CCT7: variants seen among roughly 807,000 people sequenced by gnomAD.
CCT7 encodes chaperonin containing TCP1 subunit 7.
CCT7 carries 16 observed loss-of-function variants against 56.6 expected under a neutral mutation model. The ratio of observed to expected loss-of-function variants is 0.28; its 90% CI spans 0.19 to 0.43. The LOEUF (loss-of-function observed/expected upper bound fraction) is 0.43. CCT7 is among the 20% of genes least tolerant of loss of function. The probability of loss-of-function intolerance (pLI) is 1.00; values close to 1 mark genes in which losing one functional copy is unlikely to be tolerated. For synonymous variants in CCT7, 262 were observed against 254.8 expected (o/e 1.03, Z -0.27); for missense variants, 519 against 685.6 (o/e 0.76, Z 2.71).
chr2:73,243,287 G>A (rs1240609338), intron 4 of CCT7, 158 bp downstream of exon 4: 2 of 743,522 alleles, frequency 2.7e-6, no homozygotes, highest in Admixed American at 5.3e-5. Flanking sequence ...CTAATCTGTA[G>A]CCATTTGATG....
At chr2:73,252,578 G>T in intron 11 of CCT7, 62 bp from the exon 12 acceptor site, 2 of 1,362,466 alleles carry the variant, frequency 1.5e-6, no homozygotes, top group Non-Finnish European at 2.1e-6. Context: ...TGGAGTACCA[G>T]TTTACAAGAG....
At position 73,251,416 on chromosome 2, in the gene CCT7, G is replaced by A; in HGVS notation, c.1394G>A (p.Arg465Gln). The A allele has an allele frequency of 1.2e-6, 2 of 1,613,428 alleles. No homozygotes were observed. The highest frequency in any genetic ancestry group is 2.2e-5 in the East Asian group (1 of 44,860). Residue 465 changes from arginine (R) to glutamine (Q), a missense_variant, in exon 11 of 12, where the codon CGG (arginine) becomes CAG (glutamine). Coordinates refer to ENST00000258091, the MANE Select transcript of CCT7 (RefSeq NM_006429.4). ...GCCACAAACATTCTCAACAAGCTGC[G>A]GGCTCGGCATGCCCAGGTGGGTCCT... ...FDATNILNKL[R>Q]ARHAQGGTWY...
intron 1 of CCT7, 27 bp from the exon 2 acceptor site, chr2:73,239,616 A>G: frequency 6.2e-7 from 1 of 1,607,412 alleles, no homozygotes; most frequent in African/African-American, 1.3e-5. Context: ...ATGATTATTA[A>G]AAGCAGTTAA....
chr2:73,247,109 G>C (rs539542947), intron 6 of CCT7, among the ~76,000 whole-genome samples: 2 of 152,316 alleles, frequency 1.3e-5, no homozygotes, highest in East Asian at 3.9e-4. Context: ...GAGAAGCTCT[G>C]TTGCAGAACA....
intron 1 of CCT7, among the ~76,000 whole-genome samples, 180 bp downstream of exon 1, chr2:73,234,564 G>T (rs1686776123): frequency 6.6e-6 from 1 of 152,064 alleles, no homozygotes; most frequent in African/African-American, 2.4e-5. Context: ...GCACGGCGCT[G>T]GAGCCGTTGG....
chr2:73,249,286 CCT>C, intron 8 of CCT7, 107 bp downstream of exon 8: 1 of 877,830 alleles, frequency 1.1e-6, no homozygotes, highest in Middle Eastern at 3.4e-4. Context: ...TGAATTGAGC[CCT>C]GTTTTTTTTT....
intron 8 of CCT7, 109 bp downstream of exon 8, chr2:73,249,288 T>G: frequency 1.2e-6 from 1 of 848,198 alleles, no homozygotes; most frequent in Non-Finnish European, 1.7e-6. Context: ...AATTGAGCCC[T>G]GTTTTTTTTT....
intron 10 of CCT7, 130 bp downstream of exon 10, chr2:73,250,568 T>C: frequency 9.8e-7 from 1 of 1,018,124 alleles, no homozygotes; most frequent in Non-Finnish European, 1.5e-6. Flanking sequence ...TGGTGAGCCC[T>C]GATTTGCCCC....
At chr2:73,244,291 C>A in intron 5 of CCT7, 2 of 608,880 alleles carry the variant, frequency 3.3e-6, no homozygotes, top group Non-Finnish European at 5.7e-6. Context: ...TTGGCTCCTG[C>A]CAGACCCTTG....
At chr2:73,242,238 A>G (rs1164852832) in intron 3 of CCT7, among the ~76,000 whole-genome samples, 1 of 151,972 alleles carries the variant, frequency 6.6e-6, no homozygotes, top group Non-Finnish European at 1.5e-5. Context: ...TCTAGACAAC[A>G]TAGGGAGACC....
intron 9 of CCT7, 98 bp from the exon 10 acceptor site, chr2:73,250,208 A>G: frequency 1.4e-5 from 20 of 1,439,674 alleles, no homozygotes; most frequent in Non-Finnish European, 1.9e-5. Flanking sequence ...AGAATGTAAG[A>G]GCAGCTGCTG....
intron 1 of CCT7, 88 bp downstream of exon 1, chr2:73,234,472 C>T: frequency 6.8e-7 from 1 of 1,468,012 alleles, no homozygotes; most frequent in Non-Finnish European, 9.4e-7. Context: ...CTGTAGGACC[C>T]TCTTTTGCTT....
At chr2:73,252,355 C>T (rs932258052) in intron 11 of CCT7, among the ~76,000 whole-genome samples, 2 of 118,886 alleles carry the variant, frequency 1.7e-5, no homozygotes, top group Non-Finnish European at 3.4e-5. Context: ...ATATATAGTC[C>T]TCAGGTGACC....
chr2:73,241,142 A>G (rs1687094991), intron 3 of CCT7, among the ~76,000 whole-genome samples: 1 of 151,976 alleles, frequency 6.6e-6, no homozygotes, highest in African/African-American at 2.4e-5. Context: ...TTTTAAAAAT[A>G]AATTCTAACA....
In CCT7 at chr2:73,251,445, T is replaced by G. The variant is rs759626490; in HGVS notation, c.1410+13T>G. 1.3e-6 allele frequency: 1 copy of G among 784,334 alleles called. No homozygotes were observed. Among genetic ancestry groups the G allele is most frequent in the Non-Finnish European group, 2.0e-6 (1 of 488,130 alleles). The allele number at this position is 784,334 out of a possible 1,614,324, so 48.6% of individuals were successfully genotyped here. On this transcript the variant is annotated intron_variant, in intron 11 of 11. Coordinates refer to ENST00000258091, the MANE Select transcript of CCT7 (RefSeq NM_006429.4). ...TCGGCATGCCCAGGTGGGTCCTTTC[T>G]CTCCCCAGGGTTCAGGGTTTGGGCG... is the stretch of plus-strand genomic sequence containing the variant.
At chr2:73,250,158 A>G (rs1687512802) in intron 9 of CCT7, 148 bp from the exon 10 acceptor site, 1 of 1,005,496 alleles carries the variant, frequency 9.9e-7, no homozygotes, top group Non-Finnish European at 1.5e-6. Context: ...GACCTTTCCA[A>G]GAAAATGTCT....
intron 6 of CCT7, among the ~76,000 whole-genome samples, chr2:73,246,937 A>G (rs1315429901): frequency 6.6e-6 from 1 of 152,226 alleles, no homozygotes; most frequent in Non-Finnish European, 1.5e-5. Flanking sequence ...CAGAGAAACT[A>G]AAGGTTATTG....
chr2:73,252,324 G>T (rs956465883), intron 11 of CCT7, among the ~76,000 whole-genome samples: 19 of 127,336 alleles, frequency 1.5e-4, no homozygotes, highest in African/African-American at 2.4e-4. Context: ...CTCATTGTTT[G>T]ATATATATAT....
intron 5 of CCT7, chr2:73,244,273 G>A (rs1687238075): frequency 1.6e-6 from 1 of 615,456 alleles, no homozygotes. Flanking sequence ...CTATGTGCCT[G>A]GGGCTGTTTG....
Sources: allele counts gnomAD v4.1 joint callset (sites outside exome capture counted in the v4.1 genomes callset), GRCh38; gene constraint gnomAD v4.1.1; transcripts MANE v1.5; gene names NCBI Gene and HGNC (gene_info 2026-07-23, HGNC 2026-07-21).